The following IFT80 variants were observed in gnomAD, a reference collection of about 807,000 sequenced individuals.
IFT80 encodes intraflagellar transport protein 80 homolog.
Under a neutral mutation model 107.9 loss-of-function variants are expected in IFT80, and 79 were observed. The observed-to-expected ratio is 0.73, with a 90% CI of 0.61 to 0.88. The LOEUF (loss-of-function observed/expected upper bound fraction) is 0.88, where lower values mean the gene tolerates loss of function less well. Ranked by LOEUF, IFT80 falls within the 40% of genes least tolerant of loss-of-function variation. The probability of loss-of-function intolerance (pLI) is 0.00; values close to 1 mark genes in which losing one functional copy is unlikely to be tolerated. For synonymous variants in IFT80, 299 were observed against 300.9 expected (o/e 0.99, Z 0.07); for missense variants, 797 against 914.2 (o/e 0.87, Z 1.65).
chr3:160,347,122 C>T lies in IFT80; in HGVS notation c.777+8891G>A, dbSNP rs114290274. 4.4e-3 allele frequency among the ~76,000 whole-genome samples: 677 copies of T among 152,182 alleles called. 7 individuals are homozygous for T. The highest frequency in any genetic ancestry group is 0.016 in the African/African-American group (652 of 41,540). ...TTGAGGACACTGTCCATATTGTGTACCCTGCCCCACCCCCACTGCACCACC... is the reference window on the plus strand; with the variant it reads ...TTGAGGACACTGTCCATATTGTGTATCCTGCCCCACCCCCACTGCACCACC... On this transcript the variant is annotated intron_variant, in intron 8 of 19. Transcript: ENST00000326448.
At chr3:160,390,081 T>C (rs982730109) in intron 1 of IFT80, among the ~76,000 whole-genome samples, 1 of 151,444 alleles carries the variant, frequency 6.6e-6, no homozygotes. Flanking sequence ...CATATGGGAG[T>C]TTGGGAGGCA....
At chr3:160,349,985 C>G (rs1001690910) in intron 8 of IFT80, among the ~76,000 whole-genome samples, 2 of 152,160 alleles carry the variant, frequency 1.3e-5, no homozygotes, top group African/African-American at 4.8e-5. Context: ...TCATTACTAA[C>G]AGCAGCCTGT....
intron 2 of IFT80, chr3:160,384,345 C>A: frequency 2.7e-6 from 3 of 1,099,190 alleles, no homozygotes; most frequent in Non-Finnish European, 1.1e-6. Flanking sequence ...GTAAGAAAAA[C>A]GTCAGTAAGA....
At chr3:160,336,324 G>C (rs1291196864) in intron 8 of IFT80, among the ~76,000 whole-genome samples, 5 of 152,096 alleles carry the variant, frequency 3.3e-5, no homozygotes. Flanking sequence ...CCTATGAGAA[G>C]TTATGCAAAT....
At chr3:160,326,523 C>T (rs1718688231) in intron 8 of IFT80, among the ~76,000 whole-genome samples, 1 of 152,084 alleles carries the variant, frequency 6.6e-6, no homozygotes, top group Non-Finnish European at 1.5e-5. Flanking sequence ...ATTCAACATA[C>T]ATGAATCAAT....
intron 12 of IFT80, among the ~76,000 whole-genome samples, chr3:160,297,596 T>G (rs1386973844): frequency 6.6e-6 from 1 of 152,082 alleles, no homozygotes; most frequent in Admixed American, 6.6e-5. Context: ...TTGCAACATT[T>G]AGTTATCTTC....
intron 9 of IFT80, among the ~76,000 whole-genome samples, chr3:160,310,529 C>A (rs1717163065): frequency 2.0e-5 from 3 of 152,166 alleles, no homozygotes; most frequent in Admixed American, 2.0e-4. Context: ...TAGGAGAATT[C>A]TAGCTAATAA....
At chr3:160,349,352 G>A (rs1221475632) in intron 8 of IFT80, among the ~76,000 whole-genome samples, 1 of 152,066 alleles carries the variant, frequency 6.6e-6, no homozygotes, top group Non-Finnish European at 1.5e-5. Flanking sequence ...GGGAGGCTGA[G>A]GCAGGAGAAT....
chr3:160,361,980 A>G (rs1414815525), intron 6 of IFT80, among the ~76,000 whole-genome samples: 1 of 152,208 alleles, frequency 6.6e-6, no homozygotes, highest in African/African-American at 2.4e-5. Context: ...GAGAAACAAG[A>G]GAAAACACAT....
At position 160,307,763 on chromosome 3, in the gene IFT80, C is replaced by T. The variant is rs1425790963; in HGVS notation, c.976G>A (p.Asp326Asn). The change falls in exon 10 of 20, where the codon GAT becomes AAT. Residue 326 changes from aspartate (D) to asparagine (N), a missense_variant. By Grantham distance (23) the Asp-to-Asn change is conservative (BLOSUM62 1). Transcript: ENST00000326448. The part of the protein sequence containing the change: ...RAMQVRNVLN[D>N]AVDLLEFRDR... The stretch of plus-strand genomic sequence containing the variant: ...CGGAATTCCAGTAAATCCACTGCAT[C>T]ATTAAGAACATTACGAACCTAAACA... 1 of 1,556,716 alleles carries T rather than the reference C, an allele frequency of 6.4e-7. No homozygotes were observed. The highest frequency in any genetic ancestry group is 1.7e-5 in the Admixed American group (1 of 59,920).
rs569895473 is a variant in IFT80 at position 160,258,785 on chromosome 3, C to A, written c.2224-150G>T. On this transcript the variant is annotated intron_variant, in intron 19 of 19. Coordinates refer to ENST00000326448, the MANE Select transcript of IFT80 (RefSeq NM_020800.3). ...ATCAAAAGATTAGAGAAAAAGAGAG[C>A]ATCAAAGTTAAGAAGAAGAAATAAT... 9.0e-6 allele frequency: 10 copies of A among 1,108,854 alleles called. No homozygotes were observed. The East Asian group carries it at 2.1e-4, about 23-fold the overall frequency. 68.7% of individuals were successfully genotyped at this position (1,108,854 alleles called of 1,614,324 possible). A position where few individuals can be genotyped will look rare whatever the true frequency, so the allele number is the denominator to read the frequency against.
In IFT80 at chr3:160,303,960, A is replaced by G. The variant is rs1716633658; in HGVS notation, c.1106T>C (p.Phe369Ser). Reference protein sequence around the residue: ...STKNWNTPIIFDLKEGTVSLI... With the variant: ...STKNWNTPIISDLKEGTVSLI... The stretch of plus-strand genomic sequence containing the variant: ...ACTAACAGTTCCTTCTTTGAGATCA[A>G]ATATAATTGGTGTGTTCCAGTTCTT... The change falls in exon 11 of 20, where the codon TTT becomes TCT. Residue 369 changes from phenylalanine to serine, a missense_variant. Coordinates refer to ENST00000326448, the MANE Select transcript of IFT80 (RefSeq NM_020800.3). The G allele has an allele frequency of 1.2e-6, 2 of 1,611,510 alleles. No individual in the cohort carries two copies. The highest frequency in any genetic ancestry group is 1.7e-5 in the Admixed American group (1 of 59,990).
intron 12 of IFT80, among the ~76,000 whole-genome samples, chr3:160,290,751 C>T (rs753345571): frequency 3.9e-5 from 6 of 151,948 alleles, no homozygotes; most frequent in Non-Finnish European, 7.4e-5. Flanking sequence ...TTAGTAAAGT[C>T]GGGGTTTCGC....
At chr3:160,267,809 C>T (rs747044921) in intron 19 of IFT80, among the ~76,000 whole-genome samples, 23 of 152,176 alleles carry the variant, frequency 1.5e-4, no homozygotes, top group Non-Finnish European at 3.1e-4. Flanking sequence ...TCAAGCAGTC[C>T]TCCTGCCTCA....
intron 5 of IFT80, among the ~76,000 whole-genome samples, chr3:160,375,499 A>G (rs528120864): frequency 3.5e-4 from 54 of 152,262 alleles, no homozygotes; most frequent in African/African-American, 1.3e-3. Context: ...ATTCTATATA[A>G]GATATGCTTC....
chr3:160,267,975 C>A lies in IFT80; in HGVS notation c.2223+438G>T, dbSNP rs981540498. On this transcript the variant is annotated intron_variant, in intron 19 of 19. Transcript: ENST00000326448. ...GGTAGTGAAATCTACCTAGGCTAGG[C>A]ACTTCTAGGAGGTGCAACCTAGCTT... 4.6e-5 allele frequency among the ~76,000 whole-genome samples: 7 copies of A among 152,244 alleles called. No homozygotes were observed. In the East Asian group the frequency reaches 1.4e-3, roughly 29 times the overall value.
chr3:160,293,680 A>G (rs1230087205), intron 12 of IFT80, among the ~76,000 whole-genome samples: 1 of 152,174 alleles, frequency 6.6e-6, no homozygotes, highest in Non-Finnish European at 1.5e-5. Context: ...TTATCCTAAT[A>G]AGGTGACTCT....
In IFT80 at chr3:160,366,039, G is replaced by C. The variant is rs774682644; in HGVS notation, c.549+4C>G. On this transcript the variant is annotated splice_donor_region_variant and intron_variant, in intron 6 of 19. Transcript: ENST00000326448. ...ATAACAATTTACAAATGACTGAGAA[G>C]TACCTGCAAAACTTTAGCATTTGGT... 3 of 1,606,194 alleles carry C rather than the reference G, an allele frequency of 1.9e-6. No individual in the cohort carries two copies. The highest frequency in any genetic ancestry group is 2.6e-6 in the Non-Finnish European group (3 of 1,173,240).
chr3:160,330,076 G>A (rs552318857), intron 8 of IFT80, among the ~76,000 whole-genome samples: 11 of 152,268 alleles, frequency 7.2e-5, no homozygotes, highest in African/African-American at 2.4e-4. Context: ...CTGGAGAGGA[G>A]AGACAGGAAG....
Sources: allele counts gnomAD v4.1 joint callset (sites outside exome capture counted in the v4.1 genomes callset), GRCh38; gene constraint gnomAD v4.1.1; transcripts MANE v1.5; gene names NCBI Gene and HGNC (gene_info 2026-07-23, HGNC 2026-07-21).